The following XKR4 variants were observed in gnomAD, a reference collection of about 807,000 sequenced individuals.
XKR4 encodes the protein XK-related protein 4.
Under a neutral mutation model 53.9 loss-of-function variants are expected in XKR4, and 12 were observed. The observed-to-expected ratio is 0.22, with a 90% CI of 0.14 to 0.36. XKR4 has a LOEUF of 0.36. XKR4 is among the 10% of genes least tolerant of loss of function. The probability of loss-of-function intolerance (pLI) is 1.00; values close to 1 mark genes in which losing one functional copy is unlikely to be tolerated. For synonymous variants in XKR4, 354 were observed against 362.4 expected, an observed-to-expected ratio of 0.98 and a Z score of 0.26; for missense variants, 799 against 859.5, an observed-to-expected ratio of 0.93 and a Z score of 0.88.
Position 55,324,945 on chromosome 8 carries a change from A to G in XKR4, c.807-32733A>G, listed in dbSNP as rs148832892. Among the ~76,000 whole-genome samples the G allele has an allele frequency of 1.6e-3, 247 of 152,304 alleles. 2 individuals are homozygous for G. The highest frequency in any genetic ancestry group is 2.9e-3 in the Admixed American group (45 of 15,298). On this transcript the variant is annotated intron_variant, in intron 1 of 2. Transcript: ENST00000327381. ...TATTTTACCACCTTTCTCATCACAT[A>G]ATTCTACAGGGTCACTGATTGTTTA...
At chr8:55,312,043 C>G (rs1463209194) in intron 1 of XKR4, among the ~76,000 whole-genome samples, 4 of 152,002 alleles carry the variant, frequency 2.6e-5, no homozygotes, top group Non-Finnish European at 2.9e-5. Context: ...ATTTCATGGT[C>G]AAATGAGGAT....
At chr8:55,365,754 A>G (rs1238675850) in intron 2 of XKR4, among the ~76,000 whole-genome samples, 2 of 151,376 alleles carry the variant, frequency 1.3e-5, no homozygotes, top group Admixed American at 1.3e-4. Context: ...AATGGGCGGC[A>G]CAGGTGCTGG....
At position 55,103,851 on chromosome 8, in the gene XKR4, GTATATATATATATATA is replaced by G. The variant is rs60831330; in HGVS notation, c.806+585_806+600del. On this transcript the variant is annotated intron_variant, in intron 1 of 2. Transcript: ENST00000327381. ...AAGATCCTAATAGGCAAATGACTTT[GTATATATATATATATA>G]TATATATATATATATATATATATAT... 9.7e-3 allele frequency among the ~76,000 whole-genome samples: 1,030 copies of G among 106,008 alleles called. 21 individuals carry two copies. Among genetic ancestry groups the G allele is most frequent in the African/African-American group, 0.033 (963 of 28,882 alleles). 69.5% of individuals were successfully genotyped at this position (106,008 alleles called of 152,430 possible).
chr8:55,365,197 G>A (rs568129363), intron 2 of XKR4, among the ~76,000 whole-genome samples: 1 of 152,288 alleles, frequency 6.6e-6, no homozygotes, highest in East Asian at 1.9e-4. Context: ...GCTGCAGCCG[G>A]CTCCACTCTT....
chr8:55,102,602 G>C lies in XKR4; in HGVS notation c.114G>C (p.Leu38Phe). ...SGSVQGLAPG[L>F]PSGSGAEDEE... ...CGGTGCAGGGATTGGCTCCAGGCTT[G>C]CCGTCGGGGTCGGGAGCCGAGGACG... Residue 38 changes from leucine (L) to phenylalanine (F), a missense_variant, in exon 1 of 3, where the codon TTG becomes TTC. Coordinates refer to ENST00000327381, the MANE Select transcript of XKR4 (RefSeq NM_052898.2). This position sits in a 1 kb window ranked among gnomAD's most constrained non-coding sequence, Gnocchi z 5.1. 2.0e-6 allele frequency: 3 copies of C among 1,472,866 alleles called. No individual in the cohort carries two copies. The highest frequency in any genetic ancestry group is 2.7e-6 in the Non-Finnish European group (3 of 1,102,090). 91.2% of individuals were successfully genotyped at this position (1,472,866 alleles called of 1,614,324 possible). A position where few individuals can be genotyped will look rare whatever the true frequency, so the allele number is the denominator to read the frequency against.
chr8:55,386,410 T>C (rs1804316001), intron 2 of XKR4, among the ~76,000 whole-genome samples: 1 of 152,234 alleles, frequency 6.6e-6, no homozygotes, highest in Non-Finnish European at 1.5e-5. Flanking sequence ...AAAGTACTGA[T>C]GAAAGCCATT....
intron 1 of XKR4, among the ~76,000 whole-genome samples, chr8:55,305,810 G>A (rs555097777): frequency 5.3e-5 from 8 of 152,134 alleles, no homozygotes; most frequent in African/African-American, 1.9e-4. Flanking sequence ...TATATGACTT[G>A]TATATTGATC....
intron 2 of XKR4, among the ~76,000 whole-genome samples, chr8:55,394,622 G>A (rs1399256067): frequency 1.3e-5 from 2 of 152,058 alleles, no homozygotes; most frequent in Non-Finnish European, 2.9e-5. Flanking sequence ...TTCCTCTTTG[G>A]CTTTCACAGC....
chr8:55,460,993 T>C (rs1275481430), intron 2 of XKR4, among the ~76,000 whole-genome samples: 1 of 152,236 alleles, frequency 6.6e-6, no homozygotes, highest in Non-Finnish European at 1.5e-5. Flanking sequence ...AAGCTTGAAC[T>C]GGGTGAGCCC....
intron 1 of XKR4, among the ~76,000 whole-genome samples, chr8:55,173,841 A>C (rs1490766795): frequency 6.6e-6 from 1 of 152,238 alleles, no homozygotes; most frequent in East Asian, 1.9e-4. Context: ...GCCTCACTGT[A>C]TATATAATCA....
At chr8:55,111,312 AG>A (rs1392102570) in intron 1 of XKR4, among the ~76,000 whole-genome samples, 1 of 152,120 alleles carries the variant, frequency 6.6e-6, no homozygotes, top group Non-Finnish European at 1.5e-5. Flanking sequence ...ATAATATCCT[AG>A]GTTCTTTCCA....
At chr8:55,514,218 A>G (rs530935462) in intron 2 of XKR4, among the ~76,000 whole-genome samples, 22 of 151,614 alleles carry the variant, frequency 1.5e-4, no homozygotes, top group African/African-American at 5.1e-4. Context: ...TCAGACACAT[A>G]GCAATGCTTG....
intron 2 of XKR4, among the ~76,000 whole-genome samples, chr8:55,499,422 GGGACCCCAA>G (rs1806404217): frequency 6.6e-6 from 1 of 152,114 alleles, no homozygotes; most frequent in Non-Finnish European, 1.5e-5. Context: ...GATAGTCCTT[GGGACCCCAA>G]GGACAGAGTT....
chr8:55,310,368 A>G (rs1819371469), intron 1 of XKR4, among the ~76,000 whole-genome samples: 1 of 152,174 alleles, frequency 6.6e-6, no homozygotes, highest in African/African-American at 2.4e-5. Context: ...ATAAAATGGG[A>G]AAAATAATAC....
intron 1 of XKR4, among the ~76,000 whole-genome samples, chr8:55,111,247 TG>T (rs1816226660): frequency 6.6e-6 from 1 of 152,178 alleles, no homozygotes; most frequent in South Asian, 2.1e-4. Flanking sequence ...GATCTTCTTT[TG>T]GTTTCCTCCT....
At chr8:55,321,022 C>G (rs1030481414) in intron 1 of XKR4, among the ~76,000 whole-genome samples, 2 of 152,096 alleles carry the variant, frequency 1.3e-5, no homozygotes, top group Non-Finnish European at 2.9e-5. Flanking sequence ...CCTCAGCCTC[C>G]CACCACCACA....
chr8:55,326,593 C>A (rs1487323482), intron 1 of XKR4, among the ~76,000 whole-genome samples: 2 of 150,840 alleles, frequency 1.3e-5, no homozygotes, highest in Admixed American at 1.3e-4. Context: ...ACCTCAGCCT[C>A]CTGAGTAGCT....
At chr8:55,497,904 G>C (rs1319279364) in intron 2 of XKR4, among the ~76,000 whole-genome samples, 1 of 151,992 alleles carries the variant, frequency 6.6e-6, no homozygotes, top group Non-Finnish European at 1.5e-5. Flanking sequence ...TCTCCTGCAA[G>C]ACCCTACACC....
At chr8:55,248,784 T>C (rs768727751) in intron 1 of XKR4, among the ~76,000 whole-genome samples, 56 of 152,212 alleles carry the variant, frequency 3.7e-4, no homozygotes, top group Non-Finnish European at 7.3e-4. Flanking sequence ...GGCTTTTCCC[T>C]GTCTGGGGTC....
Sources: gnomAD v4.1 joint callset for allele counts (sites outside exome capture counted in the v4.1 genomes callset) on GRCh38, gnomAD v4.1.1 for gene constraint, Gnocchi (gnomAD v3.1) non-coding constraint, MANE v1.5 for transcripts, NCBI Gene and HGNC (gene_info 2026-07-23, HGNC 2026-07-21) for gene names.